Variants in KRT83 observed in about 807,000 individuals in gnomAD.
KRT83 encodes keratin, type II cuticular Hb3.
Under a neutral mutation model 52.9 loss-of-function variants are expected in KRT83, and 51 were observed. That is an observed-to-expected ratio of 0.96 (90% confidence interval 0.77 to 1.22). The LOEUF is 1.22. KRT83 is among the 50% of genes most tolerant of loss of function. KRT83 has a pLI of 0.00. For missense variants in KRT83, 654 were observed against 666.5 expected, an observed-to-expected ratio of 0.98 and a Z score of 0.21; for synonymous variants, 278 against 274.1, an observed-to-expected ratio of 1.01 and a Z score of -0.14.
At position 52,318,044 on chromosome 12, in the gene KRT83, G is replaced by A. The variant is rs1408307808; in HGVS notation, c.594-74C>T. The stretch of plus-strand genomic sequence containing the variant: ...TGGCCATGAGCATATATGCAAAGGA[G>A]TCTCTTTCCTAGACCTCCCCCTGCT... On this transcript the variant is annotated intron_variant, in intron 2 of 8. Transcript: ENST00000293670. The A allele has an allele frequency of 4.3e-6, 6 of 1,380,436 alleles. No homozygotes were observed. In the African/African-American group the frequency reaches 5.7e-5, roughly 13 times the overall value. 85.5% of individuals were successfully genotyped at this position (1,380,436 alleles called of 1,614,324 possible).
At chr12:52,319,124 C>A (rs755055795) in intron 2 of KRT83, 32 bp downstream of exon 2, 1 of 1,612,388 alleles carries the variant, frequency 6.2e-7, no homozygotes, top group African/African-American at 1.3e-5. Context: ...ATGCTATTTC[C>A]TGTGCCCAGA....
At chr12:52,314,901 C>T (rs559586183) in intron 8 of KRT83, 83 bp from the exon 9 acceptor site, 101 of 1,351,378 alleles carry the variant, frequency 7.5e-5, no homozygotes, top group East Asian at 1.5e-4. Flanking sequence ...TCTGATGTGT[C>T]GACCATCCAG....
rs1284194324 is a variant in KRT83, at chr12:52,316,524, C to A, written c.985G>T (p.Glu329Ter). The change falls in exon 6 of 9, where the codon GAG becomes TAG. Residue 329 changes from glutamate (E) to a stop codon, truncating the protein, a stop_gained. Transcript: ENST00000293670. LOFTEE classifies it high-confidence loss of function. ...AGCCTCTGGATCATGCGGTTCAGCTCGTTGATCTCCTCCTTGGTGCGGCGC... is the reference window on the plus strand; with the variant it reads ...AGCCTCTGGATCATGCGGTTCAGCTAGTTGATCTCCTCCTTGGTGCGGCGC... ...TLRRTKEEINELNRMIQRLTA... is the reference protein window; with the variant it reads ...TLRRTKEEIN 6.2e-7 allele frequency: 1 copy of A among 1,614,168 alleles called. No individual in the cohort carries two copies. Among genetic ancestry groups the A allele is most frequent in the Non-Finnish European group, 8.5e-7 (1 of 1,180,034 alleles).
intron 2 of KRT83, 116 bp from the exon 3 acceptor site, chr12:52,318,086 G>A (rs1565755724): frequency 4.3e-6 from 4 of 935,936 alleles, no homozygotes; most frequent in Non-Finnish European, 6.9e-6. Flanking sequence ...CTGCCCCCAA[G>A]TGAAATGGGT....
chr12:52,316,430 T>A, intron 6 of KRT83, 38 bp downstream of exon 6: 1 of 1,613,834 alleles, frequency 6.2e-7, no homozygotes, highest in Non-Finnish European at 8.5e-7. Context: ...CTAACCCCAG[T>A]CTCTTCCTAC....
At chr12:52,316,181 C>T (rs1314774307) in intron 6 of KRT83, 68 bp from the exon 7 acceptor site, 1 of 1,575,536 alleles carries the variant, frequency 6.3e-7, no homozygotes, top group Non-Finnish European at 8.6e-7. Flanking sequence ...AGCCAGTCTC[C>T]AATAGGATCA....
chr12:52,317,977 T>C lies in KRT83; in HGVS notation c.594-7A>G, dbSNP rs1455106692. ...TGCTACTTCTTCTTCATACCTGAGG[T>C]GAGCAGGGAGAACAGGACCTTGTCT... On this transcript the variant is annotated splice_region_variant and splice_polypyrimidine_tract_variant and intron_variant, in intron 2 of 8. Transcript: ENST00000293670. The C allele has an allele frequency of 6.2e-7, 1 of 1,613,458 alleles. No homozygotes were observed. Among genetic ancestry groups the C allele is most frequent in the East Asian group, 2.2e-5 (1 of 44,890 alleles).
At chr12:52,316,367 G>A (rs1238192664) in intron 6 of KRT83, 101 bp downstream of exon 6, 1 of 1,530,812 alleles carries the variant, frequency 6.5e-7, no homozygotes, top group African/African-American at 1.4e-5. Flanking sequence ...TCACCCATGA[G>A]ACTGCACTGG....
rs1418344719 is a variant in KRT83 at position 52,314,834 on chromosome 12, C to T, written c.1295-16G>A. 1 of 1,595,398 alleles carries T rather than the reference C, an allele frequency of 6.3e-7. No individual in the cohort carries two copies. Among genetic ancestry groups the T allele is most frequent in the Non-Finnish European group, 8.5e-7 (1 of 1,171,394 alleles). ...CTGCTGACACCTGTGGGAACAAGGG[C>T]AGGGTCAAGAGACCCCTGCTGATGG... is the stretch of plus-strand genomic sequence containing the variant. On this transcript the variant is annotated splice_polypyrimidine_tract_variant and intron_variant, in intron 8 of 8. Coordinates refer to ENST00000293670, the MANE Select transcript of KRT83 (RefSeq NM_002282.3).
rs534710926 is a variant in KRT83, at chr12:52,314,960, G to T, written c.1295-142C>A. 4.8e-5 allele frequency: 41 copies of T among 851,592 alleles called. No individual in the cohort carries two copies. In the East Asian group the frequency reaches 1.0e-3, roughly 21 times the overall value. The allele number at this position is 851,592 out of a possible 1,614,324, so 52.8% of individuals were successfully genotyped here. On this transcript the variant is annotated intron_variant, in intron 8 of 8. Coordinates refer to ENST00000293670, the MANE Select transcript of KRT83 (RefSeq NM_002282.3). ...TTCTATTCTGAAGGAGGGAACCCTA[G>T]CCTGGGAGCCAGCAGACCGGGGTTC...
At chr12:52,316,232 C>A in intron 6 of KRT83, 119 bp from the exon 7 acceptor site, 1 of 1,336,380 alleles carries the variant, frequency 7.5e-7, no homozygotes, top group Non-Finnish European at 1.0e-6. Flanking sequence ...CAATCAGCTT[C>A]CTAACCTTCC....
rs778124250 is a variant in KRT83, at chr12:52,317,706, T to A, written c.725A>T (p.Asp242Val). 18 of 1,612,848 alleles carry A rather than the reference T, an allele frequency of 1.1e-5. No homozygotes were observed. Among genetic ancestry groups the A allele is most frequent in the Middle Eastern group, 2.0e-4 (1 of 5,040 alleles). Reference sequence around the variant, plus strand: ...CTCCTCGTACAGCCGCCTCAGGAAGTCAATCTCCTGGATCAGGGCCTCCAC... The same window carrying A: ...CTCCTCGTACAGCCGCCTCAGGAAGACAATCTCCTGGATCAGGGCCTCCAC... ...ANVEALIQEI[D>V]FLRRLYEEEI... is the part of the protein sequence containing the mutation. Residue 242 changes from aspartate (D) to valine (V), a missense_variant, in exon 4 of 9, where the codon GAC becomes GTC. Transcript: ENST00000293670.
In KRT83 at chr12:52,319,347, C is replaced by A; in HGVS notation, c.402G>T (p.Gln134His). ...GCTTTGTCTCCAGCAGCTTGTTCTG[C>A]TGCTCCAGGAAGCGCACCTGCCACC... ...AFIDKVRFLEQQNKLLETKLQ... is the reference protein window; with the variant it reads ...AFIDKVRFLEHQNKLLETKLQ... Residue 134 changes from glutamine (Q) to histidine (H), a missense_variant, in exon 2 of 9, where the codon CAG (glutamine) becomes CAT (histidine). Coordinates refer to ENST00000293670, the MANE Select transcript of KRT83 (RefSeq NM_002282.3). 6.2e-7 allele frequency: 1 copy of A among 1,614,070 alleles called. No individual in the cohort carries two copies. Among genetic ancestry groups the A allele is most frequent in the Non-Finnish European group, 8.5e-7 (1 of 1,179,916 alleles).
At chr12:52,319,112 C>A (rs773581767) in intron 2 of KRT83, 44 bp downstream of exon 2, 1 of 1,612,018 alleles carries the variant, frequency 6.2e-7, no homozygotes, top group South Asian at 1.1e-5. Context: ...GGAGCTGCCA[C>A]CATGCTATTT....
rs1383780764 is a variant in KRT83, at chr12:52,315,243, A to G, written c.1294+69T>C. ...GAAACACTCCTCCCAAAGTCTCTGC[A>G]TATATTCATAGTCAAGAAGTCCTTT... On this transcript the variant is annotated intron_variant, in intron 8 of 8. Transcript: ENST00000293670. The G allele has an allele frequency of 1.0e-5, 15 of 1,471,826 alleles. No individual in the cohort carries two copies. In the East Asian group the frequency reaches 2.0e-4, roughly 20 times the overall value. 91.2% of individuals were successfully genotyped at this position (1,471,826 alleles called of 1,614,324 possible). A position where few individuals can be genotyped will look rare whatever the true frequency, so the allele number is the denominator to read the frequency against.
At chr12:52,318,960 C>T (rs986224108) in intron 2 of KRT83, among the ~76,000 whole-genome samples, 196 bp downstream of exon 2, 1 of 152,188 alleles carries the variant, frequency 6.6e-6, no homozygotes, top group African/African-American at 2.4e-5. Flanking sequence ...AGCATTGTTT[C>T]CCTGATCTGC....
chr12:52,314,777 A>G lies in KRT83; in HGVS notation c.1336T>C (p.Cys446Arg), dbSNP rs953316829. 2 of 1,606,748 alleles carry G rather than the reference A, an allele frequency of 1.2e-6. No individual in the cohort carries two copies. The highest frequency in any genetic ancestry group is 1.3e-5 in the African/African-American group (1 of 74,830). Reference protein sequence around the residue: ...SRGGVVCGDLCVSGSRPVTGS... With the variant: ...SRGGVVCGDLRVSGSRPVTGS... The stretch of plus-strand genomic sequence containing the variant: ...GTCACCGGCCGGGAGCCCGACACGC[A>G]GAGATCCCCGCACACAACCCCACCC... The change falls in exon 9 of 9, where the codon TGC (cysteine) becomes CGC (arginine). Residue 446 changes from cysteine (C) to arginine (R), a missense_variant. Transcript: ENST00000293670.
chr12:52,317,715 T>G lies in KRT83; in HGVS notation c.716A>C (p.Gln239Pro). 6.2e-7 allele frequency: 1 copy of G among 1,613,186 alleles called. No homozygotes were observed. The highest frequency in any genetic ancestry group is 8.5e-7 in the Non-Finnish European group (1 of 1,180,008). Residue 239 changes from glutamine to proline, a missense_variant, in exon 4 of 9, where the codon CAG becomes CCG. By Grantham distance (76) the Gln-to-Pro change is moderately conservative. Coordinates refer to ENST00000293670, the MANE Select transcript of KRT83 (RefSeq NM_002282.3). ...DLEANVEALI[Q>P]EIDFLRRLYE... ...CAGCCGCCTCAGGAAGTCAATCTCC[T>G]GGATCAGGGCCTCCACGTTGGCCTC...
In KRT83 at chr12:52,316,851, C is replaced by A. The variant is rs368610958; in HGVS notation, c.915+8G>T. On this transcript the variant is annotated splice_region_variant and intron_variant, in intron 5 of 8. Transcript: ENST00000293670. ...ATGTCTAGCAGGCAGGTGTCCTGTG[C>A]CGCTCACCTTGCTGCGATACCAGGA... 2.4e-5 allele frequency: 38 copies of A among 1,614,170 alleles called. No homozygotes were observed. In the East Asian group the frequency reaches 2.5e-4, roughly 10 times the overall value.
Sources: allele counts gnomAD v4.1 joint callset (sites outside exome capture counted in the v4.1 genomes callset), GRCh38; gene constraint gnomAD v4.1.1; transcripts MANE v1.5; gene names NCBI Gene and HGNC (gene_info 2026-07-23, HGNC 2026-07-21).